DNM3: variants seen among roughly 807,000 people sequenced by gnomAD.
DNM3 encodes dynamin 3.
In DNM3, 47 loss-of-function variants were observed where a neutral mutation model predicts 101.6. The observed-to-expected ratio is 0.46, with a 90% CI of 0.37 to 0.59. DNM3 has a LOEUF of 0.59. Among genes scored for constraint, DNM3 ranks in the 20% least tolerant of loss-of-function variants. The pLI is 0.00. For missense variants in DNM3, 849 were observed against 1,085.7 expected (o/e 0.78, Z 3.06); for synonymous variants, 385 against 387.9 (o/e 0.99, Z 0.09).
chr1:172,346,139 AAAAG>A lies in DNM3; in HGVS notation c.1893+22811_1893+22814del, dbSNP rs1296202636. On this transcript the variant is annotated intron_variant, in intron 17 of 20. Coordinates refer to ENST00000627582, the MANE Select transcript of DNM3 (RefSeq NM_015569.5). ...CTCCGTCTCAAAAAAAAAAAAAAAA[AAAAG>A]AAAGAAAGAAAAAGATGTAGATTAG... is the stretch of plus-strand genomic sequence containing the variant. Among the ~76,000 whole-genome samples the A allele has an allele frequency of 3.7e-3, 564 of 151,496 alleles. 2 individuals are homozygous for A. The highest frequency in any genetic ancestry group is 0.013 in the East Asian group (65 of 5,150).
intron 1 of DNM3, among the ~76,000 whole-genome samples, chr1:171,909,225 G>A (rs2039085385): frequency 1.3e-5 from 2 of 152,150 alleles, no homozygotes; most frequent in Non-Finnish European, 2.9e-5. Context: ...TGGATCACTT[G>A]AGGTCAGGAG....
chr1:171,873,379 T>C (rs888408235), intron 1 of DNM3, among the ~76,000 whole-genome samples: 2 of 152,212 alleles, frequency 1.3e-5, no homozygotes, highest in African/African-American at 4.8e-5. Context: ...ACCTACTGTG[T>C]GTCAGGCACT....
At chr1:172,200,558 G>T (rs919023824) in intron 14 of DNM3, among the ~76,000 whole-genome samples, 2 of 151,962 alleles carry the variant, frequency 1.3e-5, no homozygotes, top group African/African-American at 4.8e-5. Context: ...TGTAGATTTG[G>T]CATCTTTACA....
At chr1:172,045,361 C>CGGGTTCT (rs1213454321) in intron 9 of DNM3, among the ~76,000 whole-genome samples, 6 of 152,092 alleles carry the variant, frequency 3.9e-5, no homozygotes, top group African/African-American at 1.4e-4. Context: ...TGAGCATGGT[C>CGGGTTCT]GGGTTCTGGT....
intron 14 of DNM3, among the ~76,000 whole-genome samples, chr1:172,244,586 C>A (rs1267475961): frequency 1.3e-5 from 2 of 151,898 alleles, no homozygotes; most frequent in East Asian, 1.9e-4. Flanking sequence ...TTTATGCAGC[C>A]AAAAAACACA....
rs1247512406 is a variant in DNM3 at position 172,323,395 on chromosome 1, C to T, written c.1893+55C>T. On this transcript the variant is annotated intron_variant, in intron 17 of 20. Transcript: ENST00000627582. ...TGTCCCCCCAGCCCCTGCTCCGCTC[C>T]TGCATGTCTTGACAAGAGTGTTCCT... 3 of 1,576,640 alleles carry T rather than the reference C, an allele frequency of 1.9e-6. No individual in the cohort carries two copies. The South Asian group carries it at 3.5e-5, about 19-fold the overall frequency.
chr1:172,236,418 C>A (rs1215572694), intron 14 of DNM3, among the ~76,000 whole-genome samples: 1 of 152,148 alleles, frequency 6.6e-6, no homozygotes, highest in African/African-American at 2.4e-5. Context: ...GGCAGGATAG[C>A]TCTGACCACT....
intron 1 of DNM3, among the ~76,000 whole-genome samples, chr1:171,901,278 C>T (rs766931621): frequency 3.9e-5 from 6 of 152,078 alleles, no homozygotes; most frequent in Admixed American, 1.3e-4. Context: ...ACAGCATTTT[C>T]GCACTCTTGA....
At position 172,305,261 on chromosome 1, in the gene DNM3, A is replaced by G. The variant is rs180818193; in HGVS notation, c.1770-3467A>G. 1.5e-3 allele frequency among the ~76,000 whole-genome samples: 232 copies of G among 152,298 alleles called. 2 individuals carry two copies. Among genetic ancestry groups the G allele is most frequent in the Non-Finnish European group, 1.2e-3 (85 of 68,006 alleles). ...CAGAGAATACTACAAACACATCTACACAAATAAACTAGAAAATCTAGAAGA... is the reference window on the plus strand; with the variant it reads ...CAGAGAATACTACAAACACATCTACGCAAATAAACTAGAAAATCTAGAAGA... On this transcript the variant is annotated intron_variant, in intron 15 of 20. Coordinates refer to ENST00000627582, the MANE Select transcript of DNM3 (RefSeq NM_015569.5).
chr1:172,391,388 C>A (rs773732669), intron 20 of DNM3, among the ~76,000 whole-genome samples: 9 of 152,046 alleles, frequency 5.9e-5, no homozygotes, highest in Non-Finnish European at 1.0e-4. Context: ...CTGTCAGGAT[C>A]CCCATGCCTG....
At chr1:172,334,166 C>G (rs1026614004) in intron 17 of DNM3, among the ~76,000 whole-genome samples, 1 of 152,096 alleles carries the variant, frequency 6.6e-6, no homozygotes, top group Non-Finnish European at 1.5e-5. Context: ...CAGTTACTTC[C>G]CAACAAACCC....
At position 172,078,264 on chromosome 1, in the gene DNM3, T is replaced by C. The variant is rs554254123; in HGVS notation, c.1423-3568T>C. Among the ~76,000 whole-genome samples, 4 of 152,236 alleles carry C rather than the reference T, an allele frequency of 2.6e-5. No homozygotes were observed. The East Asian group carries it at 5.8e-4, about 22-fold the overall frequency. On this transcript the variant is annotated intron_variant, in intron 11 of 20. Coordinates refer to ENST00000627582, the MANE Select transcript of DNM3 (RefSeq NM_015569.5). ...CCTGCCACCACACCCAGCTAATTTT[T>C]TGTATTTTTAGTAGAGATAGGGTTT...
chr1:172,394,662 G>A (rs1247202528), intron 20 of DNM3, among the ~76,000 whole-genome samples: 2 of 152,166 alleles, frequency 1.3e-5, no homozygotes, highest in Admixed American at 6.5e-5. Context: ...GCCTTCCTGA[G>A]TTTCAGGGGA....
chr1:171,975,361 C>A (rs901750393), intron 2 of DNM3, among the ~76,000 whole-genome samples: 8 of 152,100 alleles, frequency 5.3e-5, no homozygotes, highest in Non-Finnish European at 8.8e-5. Context: ...TTTGTTTAGA[C>A]CTTTTAATGT....
chr1:172,063,297 T>C (rs866099346), intron 10 of DNM3, among the ~76,000 whole-genome samples: 1 of 152,154 alleles, frequency 6.6e-6, no homozygotes, highest in Non-Finnish European at 1.5e-5. Flanking sequence ...GTAGATCTTA[T>C]GGTCTGATAA....
chr1:172,035,273 T>C (rs10910946), intron 6 of DNM3, among the ~76,000 whole-genome samples: 3,712 of 152,146 alleles, frequency 0.024, 174 homozygotes, highest in African/African-American at 0.084. Flanking sequence ...GAGATATCAT[T>C]GACACATCCA....
chr1:172,160,726 T>C (rs79182298), intron 14 of DNM3, among the ~76,000 whole-genome samples: 2,214 of 152,226 alleles, frequency 0.015, 62 homozygotes, highest in African/African-American at 0.05. Flanking sequence ...ATGTATAGTA[T>C]AGTAAATATA....
At chr1:172,260,328 T>G (rs77001779) in intron 15 of DNM3, among the ~76,000 whole-genome samples, 5,405 of 152,212 alleles carry the variant, frequency 0.036, 138 homozygotes, top group Middle Eastern at 0.095. Context: ...TTGTATTTAT[T>G]TGGGGATCTT....
At chr1:172,182,496 A>T (rs1241539140) in intron 14 of DNM3, among the ~76,000 whole-genome samples, 1 of 152,138 alleles carries the variant, frequency 6.6e-6, no homozygotes, top group Non-Finnish European at 1.5e-5. Context: ...CAAGATAACC[A>T]AGTCCAGCAA....
Sources: gnomAD v4.1 joint callset for allele counts (sites outside exome capture counted in the v4.1 genomes callset) on GRCh38, gnomAD v4.1.1 for gene constraint, MANE v1.5 for transcripts, NCBI Gene and HGNC (gene_info 2026-07-23, HGNC 2026-07-21) for gene names.